The following ZNF496 variants were observed in gnomAD, a reference collection of about 807,000 sequenced individuals.
ZNF496 encodes the protein zinc finger protein 496, also known as NSD1 (nuclear receptor binding SET-domain containing 1)-interacting zinc finger protein 1.
ZNF496 carries 11 observed loss-of-function variants against 58.9 expected under a neutral mutation model. The observed-to-expected ratio is 0.19, with a 90% CI of 0.12 to 0.31. The LOEUF (loss-of-function observed/expected upper bound fraction) is 0.31. Ranked by LOEUF, ZNF496 falls within the 10% of genes least tolerant of loss-of-function variation. The probability of loss-of-function intolerance (pLI) is 1.00; values close to 1 mark genes in which losing one functional copy is unlikely to be tolerated. For missense variants in ZNF496, 660 were observed against 783.0 expected, an observed-to-expected ratio of 0.84 and a Z score of 1.88; for synonymous variants, 338 against 318.2, an observed-to-expected ratio of 1.06 and a Z score of -0.66.
chr1:247,323,104 C>T, intron 6 of ZNF496, 50 bp downstream of exon 6: 2 of 1,511,542 alleles, frequency 1.3e-6, no homozygotes, highest in Non-Finnish European at 1.8e-6. Context: ...GCCCTGTAGC[C>T]TACAGAGGCA....
chr1:247,329,084 G>A lies in ZNF496; in HGVS notation c.390+105C>T, dbSNP rs1660231431. On this transcript the variant is annotated intron_variant, in intron 4 of 9. Transcript: ENST00000682384. This position sits in a 1 kb window ranked among gnomAD's most constrained non-coding sequence, Gnocchi z 5.5. ...TAGTCTGGACCTAACCAAAGTAAAT[G>A]GCTCTCGATGGAACTCCTCATTCCC... 6.4e-6 allele frequency: 10 copies of A among 1,553,644 alleles called. No homozygotes were observed. Among genetic ancestry groups the A allele is most frequent in the Middle Eastern group, 1.7e-4 (1 of 5,908 alleles).
rs138070343 is a variant in ZNF496, at chr1:247,301,125, G to A, written c.1158C>T (p.Pro386=). The stretch of plus-strand genomic sequence containing the variant: ...CCTCGGTGCTGCTCCGGTGGGAGGC[G>A]GGGAGGCTGCGCTGCTTCTCTGTGG... ...GSPTEKQRSL[P]ASHRSSTEAG... is the part of the protein sequence containing the mutation. The change falls in exon 10 of 10, where the codon CCC becomes CCT. Residue 386 remains proline (P), a synonymous_variant. Coordinates refer to ENST00000682384, the MANE Select transcript of ZNF496 (RefSeq NM_032752.3). 28 of 1,613,628 alleles carry A rather than the reference G, an allele frequency of 1.7e-5. No individual in the cohort carries two copies. Among genetic ancestry groups the A allele is most frequent in the Non-Finnish European group, 2.2e-5 (26 of 1,179,998 alleles).
Position 247,310,617 on chromosome 1 carries a change from G to C in ZNF496, c.652-161C>G, listed in dbSNP as rs1452427692. ...CTGGAGGCTGGACGTCCAAGATCAA[G>C]GTGCCAGCAGGCTGGGTGCCTGGTG... On this transcript the variant is annotated intron_variant, in intron 6 of 9. Coordinates refer to ENST00000682384, the MANE Select transcript of ZNF496 (RefSeq NM_032752.3). The C allele has an allele frequency of 3.4e-6, 3 of 894,656 alleles. No homozygotes were observed. The Admixed American group carries it at 8.3e-5, about 25-fold the overall frequency. The allele number at this position is 894,656 out of a possible 1,614,324, so 55.4% of individuals were successfully genotyped here. A position where few individuals can be genotyped will look rare whatever the true frequency, so the allele number is the denominator to read the frequency against.
intron 2 of ZNF496, 87 bp downstream of exon 2, chr1:247,331,345 T>A (rs1331783049): frequency 6.6e-6 from 1 of 152,274 alleles, no homozygotes; most frequent in Non-Finnish European, 1.5e-5. Context: ...AAGGTCGCTG[T>A]GGGCCAGGGA....
At chr1:247,326,613 G>A (rs951163409) in intron 5 of ZNF496, among the ~76,000 whole-genome samples, 5 of 152,094 alleles carry the variant, frequency 3.3e-5, no homozygotes, top group Non-Finnish European at 2.9e-5. Context: ...TTATGTGGGC[G>A]ACTGGCTGCT....
At position 247,309,667 on chromosome 1, in the gene ZNF496, T is replaced by C; in HGVS notation, c.892+32A>G. 6.2e-7 allele frequency: 1 copy of C among 1,613,532 alleles called. No individual in the cohort carries two copies. Among genetic ancestry groups the C allele is most frequent in the South Asian group, 1.1e-5 (1 of 90,904 alleles). On this transcript the variant is annotated intron_variant, in intron 8 of 9. Transcript: ENST00000682384. The surrounding 1 kb of genome is among the most constrained non-coding windows in gnomAD (Gnocchi z 4.3). ...GGCTGCCAGCAACCCTTCCCCCTAC[T>C]CTGTCCACTCAGTTCTGGAATCATT...
rs934718683 is a variant in ZNF496, at chr1:247,299,163, C to G, written c.*1356G>C. 47 of 152,212 alleles carry G rather than the reference C, an allele frequency of 3.1e-4. No individual in the cohort carries two copies. Among genetic ancestry groups the G allele is most frequent in the African/African-American group, 1.1e-3 (46 of 41,446 alleles). The allele number at this position is 152,212 out of a possible 1,614,324, so 9.4% of individuals were successfully genotyped here. A position where few individuals can be genotyped will look rare whatever the true frequency, so the allele number is the denominator to read the frequency against. Reference sequence around the variant, plus strand: ...CCTTTCAAATTCCGATGTTGAAGTCCCAACCTCTAGTACCTCAGAATGTGA... The same window carrying G: ...CCTTTCAAATTCCGATGTTGAAGTCGCAACCTCTAGTACCTCAGAATGTGA... On this transcript the variant is annotated 3_prime_UTR_variant, in exon 10 of 10. Transcript: ENST00000682384.
chr1:247,316,202 TGCGCGCGCGTGCGC>T (rs1558154083), intron 6 of ZNF496, among the ~76,000 whole-genome samples: 2 of 26,796 alleles, frequency 7.5e-5, no homozygotes, highest in Non-Finnish European at 1.0e-4. Context: ...TGTGTGTGTG[TGCGCGCGCGTGCGC>T]GTGTGTGTGT....
chr1:247,317,150 T>C (rs368672424), intron 6 of ZNF496, among the ~76,000 whole-genome samples: 1 of 152,152 alleles, frequency 6.6e-6, no homozygotes, highest in Non-Finnish European at 1.5e-5. Flanking sequence ...GGACATTGCA[T>C]ATAAAATGAG....
At chr1:247,307,335 C>A in intron 9 of ZNF496, 1 of 985,416 alleles carries the variant, frequency 1.0e-6, no homozygotes, top group Non-Finnish European at 1.2e-6. Context: ...TGTTTCAGAG[C>A]AGTCTGTGTC....
chr1:247,319,325 A>T (rs1284158077), intron 6 of ZNF496, among the ~76,000 whole-genome samples: 1 of 152,236 alleles, frequency 6.6e-6, no homozygotes, highest in Non-Finnish European at 1.5e-5. Flanking sequence ...CAAACTGATA[A>T]AATGATACTC....
At chr1:247,314,857 G>A (rs1659721125) in intron 6 of ZNF496, among the ~76,000 whole-genome samples, 1 of 151,904 alleles carries the variant, frequency 6.6e-6, no homozygotes, top group African/African-American at 2.4e-5. Context: ...AATGATTTTT[G>A]GGCCTCAGCC....
Position 247,310,048 on chromosome 1 carries a change from G to A in ZNF496, c.785-242C>T, listed in dbSNP as rs977274756. 10 of 1,427,032 alleles carry A rather than the reference G, an allele frequency of 7.0e-6. No individual in the cohort carries two copies. The African/African-American group carries it at 1.4e-4, about 21-fold the overall frequency. The allele number at this position is 1,427,032 out of a possible 1,614,324, so 88.4% of individuals were successfully genotyped here. On this transcript the variant is annotated intron_variant, in intron 7 of 9. Transcript: ENST00000682384. Reference sequence around the variant, plus strand: ...TAAAGCAGACATAAAGGGACAAAACGGTAAGAACGATGGAAGAGAAATGGA... The same window carrying A: ...TAAAGCAGACATAAAGGGACAAAACAGTAAGAACGATGGAAGAGAAATGGA...
chr1:247,331,300 G>A (rs764352231), intron 2 of ZNF496, 132 bp downstream of exon 2: 3 of 152,548 alleles, frequency 2.0e-5, no homozygotes, highest in Non-Finnish European at 4.4e-5. Flanking sequence ...TTTCGCGGAG[G>A]AGGGACCGAG....
At chr1:247,315,751 G>C (rs1331181498) in intron 6 of ZNF496, among the ~76,000 whole-genome samples, 3 of 152,168 alleles carry the variant, frequency 2.0e-5, no homozygotes, top group East Asian at 1.9e-4. Flanking sequence ...CAAAGAAAAA[G>C]TTTAAAATAA....
At chr1:247,324,440 A>C (rs1411188337) in intron 5 of ZNF496, among the ~76,000 whole-genome samples, 4 of 152,232 alleles carry the variant, frequency 2.6e-5, no homozygotes, top group Non-Finnish European at 5.9e-5. Flanking sequence ...TGTACTTGAA[A>C]ATTGCTAAGA....
chr1:247,319,069 C>T (rs1201231369), intron 6 of ZNF496, among the ~76,000 whole-genome samples: 3 of 152,240 alleles, frequency 2.0e-5, no homozygotes, highest in Non-Finnish European at 4.4e-5. Context: ...GCAGCCTCAA[C>T]CCCCTGGGCT....
At chr1:247,316,219 G>A (rs1659769891) in intron 6 of ZNF496, among the ~76,000 whole-genome samples, 1 of 6,978 alleles carries the variant, frequency 1.4e-4, no homozygotes, top group Non-Finnish European at 5.1e-4. Context: ...GCGTGCGCGT[G>A]TGTGTGTGTG....
At chr1:247,301,971 G>C (rs1377143893) in intron 9 of ZNF496, among the ~76,000 whole-genome samples, 1 of 152,180 alleles carries the variant, frequency 6.6e-6, no homozygotes, top group African/African-American at 2.4e-5. Context: ...GAGGCCACAG[G>C]TGGTGATGGA....
Sources: gnomAD v4.1 joint callset for allele counts (sites outside exome capture counted in the v4.1 genomes callset) on GRCh38, gnomAD v4.1.1 for gene constraint, Gnocchi (gnomAD v3.1) non-coding constraint, MANE v1.5 for transcripts, NCBI Gene and HGNC (gene_info 2026-07-23, HGNC 2026-07-21) for gene names.